The following MGMT variants were observed in gnomAD, a reference collection of about 807,000 sequenced individuals.
The protein encoded by MGMT is methylated-DNA--protein-cysteine methyltransferase.
MGMT carries 14 observed loss-of-function variants against 15.9 expected under a neutral mutation model. That is an observed-to-expected ratio of 0.88 (90% CI 0.58 to 1.37). The LOEUF (loss-of-function observed/expected upper bound fraction) is 1.37, where lower values mean the gene tolerates loss of function less well. Ranked by LOEUF, MGMT falls within the 40% of genes most tolerant of loss-of-function variation. The probability of loss-of-function intolerance (pLI) is 0.00; values close to 1 mark genes in which losing one functional copy is unlikely to be tolerated. For missense variants in MGMT, 282 were observed against 268.1 expected, an observed-to-expected ratio of 1.05 and a Z score of -0.36; for synonymous variants, 130 against 118.2, an observed-to-expected ratio of 1.10 and a Z score of -0.65.
chr10:129,639,025 A>G (rs1847297196), intron 2 of MGMT, among the ~76,000 whole-genome samples: 1 of 152,226 alleles, frequency 6.6e-6, no homozygotes, highest in African/African-American at 2.4e-5. Flanking sequence ...AGAGTAAAAC[A>G]TAAATGACAA....
intron 2 of MGMT, among the ~76,000 whole-genome samples, chr10:129,683,190 G>C (rs557521700): frequency 6.6e-6 from 1 of 152,318 alleles, no homozygotes; most frequent in Non-Finnish European, 1.5e-5. Context: ...AGAGAGCAGG[G>C]AATGGCGTTG....
chr10:129,536,194 C>A lies in MGMT; in HGVS notation c.-12-47C>A, dbSNP rs748429815. On this transcript the variant is annotated intron_variant, in intron 1 of 4. Coordinates refer to ENST00000651593, the MANE Select transcript of MGMT (RefSeq NM_002412.5). ...CTTCTGTTGTGTGTTTTATATACGA[C>A]CAGCCTCTTACCTATACACTTTGTC... is the stretch of plus-strand genomic sequence containing the variant. 7 of 1,598,462 alleles carry A rather than the reference C, an allele frequency of 4.4e-6. No homozygotes were observed. In the South Asian group the frequency reaches 6.8e-5, roughly 15 times the overall value.
chr10:129,486,681 A>G (rs1396675527), intron 1 of MGMT, among the ~76,000 whole-genome samples: 1 of 152,158 alleles, frequency 6.6e-6, no homozygotes, highest in Admixed American at 6.5e-5. Flanking sequence ...GACTGTTCAA[A>G]CTTTATATGG....
At chr10:129,688,139 C>T (rs1335870979) in intron 2 of MGMT, among the ~76,000 whole-genome samples, 1 of 152,136 alleles carries the variant, frequency 6.6e-6, no homozygotes, top group Non-Finnish European at 1.5e-5. Flanking sequence ...TGAATAGTGC[C>T]ACAGTAAACA....
rs571224698 is a variant in MGMT, at chr10:129,578,419, A to G, written c.125+42042A>G. Reference sequence around the variant, plus strand: ...GAAGCTGGAAACCATCATTCTCAGCAAACTATTGCAAGGACAAAAAACCAA... The same window carrying G: ...GAAGCTGGAAACCATCATTCTCAGCGAACTATTGCAAGGACAAAAAACCAA... On this transcript the variant is annotated intron_variant, in intron 2 of 4. Transcript: ENST00000651593. 1.2e-4 allele frequency among the ~76,000 whole-genome samples: 18 copies of G among 152,276 alleles called. No individual in the cohort carries two copies. In the East Asian group the frequency reaches 2.9e-3, roughly 25 times the overall value.
chr10:129,691,096 C>T (rs1218437333), intron 2 of MGMT, among the ~76,000 whole-genome samples: 2 of 152,192 alleles, frequency 1.3e-5, no homozygotes, highest in South Asian at 2.1e-4. Flanking sequence ...TGCGGGAGAA[C>T]TTGAAGGCAG....
chr10:129,504,801 A>G (rs1224191992), intron 1 of MGMT, among the ~76,000 whole-genome samples: 1 of 152,164 alleles, frequency 6.6e-6, no homozygotes, highest in African/African-American at 2.4e-5. Context: ...CTGGGAATCC[A>G]TTTCCAAATG....
At chr10:129,746,683 C>T (rs1284292985) in intron 3 of MGMT, among the ~76,000 whole-genome samples, 6 of 152,148 alleles carry the variant, frequency 3.9e-5, no homozygotes, top group African/African-American at 1.2e-4. Flanking sequence ...TCCAGTAACT[C>T]CATCAATACT....
rs1431177029 is a variant in MGMT, at chr10:129,770,924, T to A, written c.*3927T>A. On this transcript the variant is annotated 3_prime_UTR_variant, in exon 5 of 5. Coordinates refer to ENST00000651593, the MANE Select transcript of MGMT (RefSeq NM_002412.5). Reference sequence around the variant, plus strand: ...CCCTCAGACCTCAGACCGTGTGGGTTTTTTTTTCTTTCTTTCTTTCCTGTT... The same window carrying A: ...CCCTCAGACCTCAGACCGTGTGGGTATTTTTTTCTTTCTTTCTTTCCTGTT... Among the ~76,000 whole-genome samples the A allele has an allele frequency of 1.3e-5, 2 of 150,334 alleles. No individual in the cohort carries two copies. Among genetic ancestry groups the A allele is most frequent in the Non-Finnish European group, 2.9e-5 (2 of 68,014 alleles).
intron 3 of MGMT, among the ~76,000 whole-genome samples, chr10:129,720,329 A>G (rs1848355152): frequency 6.6e-6 from 1 of 152,208 alleles, no homozygotes; most frequent in African/African-American, 2.4e-5. Context: ...AGGCTGCTGC[A>G]AGAGGGTAAG....
At chr10:129,598,165 C>T (rs956222051) in intron 2 of MGMT, among the ~76,000 whole-genome samples, 7 of 152,162 alleles carry the variant, frequency 4.6e-5, no homozygotes, top group African/African-American at 1.7e-4. Flanking sequence ...TGCCCAGCCT[C>T]AGGGTGGGTG....
At chr10:129,615,138 G>A (rs1239233617) in intron 2 of MGMT, among the ~76,000 whole-genome samples, 1 of 152,194 alleles carries the variant, frequency 6.6e-6, no homozygotes, top group Non-Finnish European at 1.5e-5. Flanking sequence ...CATATGGAGT[G>A]AGATGCCTAT....
At chr10:129,690,140 A>G (rs1031443623) in intron 2 of MGMT, among the ~76,000 whole-genome samples, 1 of 152,212 alleles carries the variant, frequency 6.6e-6, no homozygotes, top group African/African-American at 2.4e-5. Flanking sequence ...ACAGACACGC[A>G]GTAGAAGCCC....
At chr10:129,665,203 C>T (rs1439713726) in intron 2 of MGMT, among the ~76,000 whole-genome samples, 2 of 129,090 alleles carry the variant, frequency 1.5e-5, no homozygotes, top group African/African-American at 3.0e-5. Flanking sequence ...CACCTACCCA[C>T]TCACCCACCT....
At chr10:129,570,333 C>T (rs902551453) in intron 2 of MGMT, among the ~76,000 whole-genome samples, 2 of 152,278 alleles carry the variant, frequency 1.3e-5, no homozygotes, top group African/African-American at 4.8e-5. Context: ...GGGTTCCACC[C>T]GGTGCTTACA....
intron 4 of MGMT, among the ~76,000 whole-genome samples, chr10:129,760,956 G>A (rs144326292): frequency 2.9e-4 from 44 of 152,286 alleles, no homozygotes; most frequent in African/African-American, 9.6e-4. Flanking sequence ...CACGCAGTAG[G>A]GATCTGATTT....
chr10:129,687,845 CCAG>C (rs1847924618), intron 2 of MGMT, among the ~76,000 whole-genome samples: 2 of 152,006 alleles, frequency 1.3e-5, no homozygotes, highest in African/African-American at 4.8e-5. Context: ...TATCCCTCCC[CCAG>C]CCCCCCACCC....
intron 2 of MGMT, among the ~76,000 whole-genome samples, chr10:129,593,389 C>T (rs1229071223): frequency 1.3e-5 from 2 of 152,182 alleles, no homozygotes; most frequent in Non-Finnish European, 2.9e-5. Context: ...GTCCTCCCTC[C>T]TGCCTCCCCA....
chr10:129,529,223 GAGAA>G (rs1404593787), intron 1 of MGMT, among the ~76,000 whole-genome samples: 1 of 152,012 alleles, frequency 6.6e-6, no homozygotes, highest in African/African-American at 2.4e-5. Context: ...ACTGAGGCCA[GAGAA>G]GGAAGTGTGG....
Sources: gnomAD v4.1 joint callset for allele counts (sites outside exome capture counted in the v4.1 genomes callset) on GRCh38, gnomAD v4.1.1 for gene constraint, MANE v1.5 for transcripts, NCBI Gene and HGNC (gene_info 2026-07-23, HGNC 2026-07-21) for gene names.